ZDHHC14: variants seen among roughly 807,000 people sequenced by gnomAD.
The protein encoded by ZDHHC14 is zDHHC palmitoyltransferase 14.
A neutral mutation model predicts 47.7 loss-of-function variants in ZDHHC14; 16 were observed. The ratio of observed to expected loss-of-function variants is 0.34; its 90% CI spans 0.23 to 0.51. The LOEUF (loss-of-function observed/expected upper bound fraction) is 0.51. ZDHHC14 is among the 20% of genes least tolerant of loss of function. The pLI is 0.97. For missense variants in ZDHHC14, 515 were observed against 662.5 expected, an observed-to-expected ratio of 0.78 and a Z score of 2.44; for synonymous variants, 293 against 278.9, an observed-to-expected ratio of 1.05 and a Z score of -0.50.
At chr6:157,429,604 A>G (rs1257090393) in intron 1 of ZDHHC14, among the ~76,000 whole-genome samples, 2 of 150,456 alleles carry the variant, frequency 1.3e-5, no homozygotes, top group Non-Finnish European at 3.0e-5. Context: ...GGAGGGAGAG[A>G]AGGAGGGGAA....
rs370715926 is a variant in ZDHHC14, at chr6:157,640,942, G to T, written c.753-4795G>T. On this transcript the variant is annotated intron_variant, in intron 5 of 8. Coordinates refer to ENST00000359775, the MANE Select transcript of ZDHHC14 (RefSeq NM_024630.3). ...GTCCTTCCAGATGGTCTTAGAGTTT[G>T]AATACATCCGTGTGCATCATACACA... Among the ~76,000 whole-genome samples the T allele has an allele frequency of 1.2e-4, 19 of 152,296 alleles. No homozygotes were observed. In the South Asian group the frequency reaches 1.9e-3, roughly 15 times the overall value.
At chr6:157,614,683 G>C (rs1784890452) in intron 3 of ZDHHC14, among the ~76,000 whole-genome samples, 1 of 152,130 alleles carries the variant, frequency 6.6e-6, no homozygotes, top group African/African-American at 2.4e-5. Context: ...AGCAGGGCCG[G>C]GGTCACCAGT....
At chr6:157,593,183 G>T (rs1303764926) in intron 3 of ZDHHC14, 37 bp downstream of exon 3, 1 of 1,582,282 alleles carries the variant, frequency 6.3e-7, no homozygotes, top group Non-Finnish European at 8.6e-7. Flanking sequence ...CGGGAGCCCG[G>T]GTCCTCCGGG....
intron 1 of ZDHHC14, among the ~76,000 whole-genome samples, chr6:157,480,272 TG>T (rs1409361438): frequency 0.013 from 1,886 of 144,356 alleles, 19 homozygotes; most frequent in Non-Finnish European, 0.022. Flanking sequence ...TTTTTTTTTT[TG>T]CTTTTTTTTT....
rs147903574 is a variant in ZDHHC14, at chr6:157,382,067, C to G, written c.46C>G (p.Gln16Glu). 2,234 of 1,602,586 alleles carry G rather than the reference C, an allele frequency of 1.4e-3. 7 individuals are homozygous for G. Among genetic ancestry groups the G allele is most frequent in the Non-Finnish European group, 1.2e-3 (1,424 of 1,175,204 alleles). ...GGPMKDCEYS[Q>E]ISTHSSSPME... ...GCCCATGAAAGACTGCGAGTACAGC[C>G]AGATCAGCACCCACAGCTCCTCCCC... The change falls in exon 1 of 9, where the codon CAG (glutamine) becomes GAG (glutamate). Residue 16 changes from glutamine to glutamate, a missense_variant. Gln to Glu is a conservative substitution (Grantham distance 29). Around this residue, in one of 4 missense-constraint regions of ZDHHC14, gnomAD observed 59 missense variants for 57.7 expected, o/e 1.02. Transcript: ENST00000359775.
intron 2 of ZDHHC14, among the ~76,000 whole-genome samples, chr6:157,556,907 T>C (rs370296254): frequency 6.6e-6 from 1 of 151,322 alleles, no homozygotes; most frequent in Admixed American, 6.6e-5. Flanking sequence ...GGAGGAAGAG[T>C]TGCGGGCACT....
chr6:157,624,368 T>C (rs1440371956), intron 3 of ZDHHC14, among the ~76,000 whole-genome samples: 1 of 152,194 alleles, frequency 6.6e-6, no homozygotes, highest in Non-Finnish European at 1.5e-5. Flanking sequence ...ATCCTTGACC[T>C]GAAAAGAAAG....
intron 1 of ZDHHC14, among the ~76,000 whole-genome samples, chr6:157,511,024 A>G (rs1780456093): frequency 6.6e-6 from 1 of 152,228 alleles, no homozygotes; most frequent in African/African-American, 2.4e-5. Flanking sequence ...AACTGTCTCC[A>G]ACTCCACCCT....
chr6:157,524,260 G>A (rs759279473), intron 1 of ZDHHC14, among the ~76,000 whole-genome samples: 11 of 151,804 alleles, frequency 7.2e-5, no homozygotes, highest in Non-Finnish European at 1.2e-4. Flanking sequence ...TCTTGAGTAC[G>A]GTACCTGGGA....
rs1431381999 is a variant in ZDHHC14 at position 157,427,118 on chromosome 6, T to C, written c.245+44852T>C. 6.7e-6 allele frequency among the ~76,000 whole-genome samples: 1 copy of C among 149,896 alleles called. No individual in the cohort carries two copies. Among genetic ancestry groups the C allele is most frequent in the Admixed American group, 6.6e-5 (1 of 15,038 alleles). The stretch of plus-strand genomic sequence containing the variant: ...GAGAAGAGAGGGAAGGAAGAGGGCG[T>C]GCAGGGCGGAGGGACAAGGCTCAGG... On this transcript the variant is annotated intron_variant, in intron 1 of 8. Transcript: ENST00000359775. This position sits in a 1 kb window ranked among gnomAD's most constrained non-coding sequence, Gnocchi z 4.4.
chr6:157,397,292 C>T (rs571523443), intron 1 of ZDHHC14, among the ~76,000 whole-genome samples: 5 of 152,292 alleles, frequency 3.3e-5, no homozygotes, highest in East Asian at 1.9e-4. Context: ...TTGTTACAAA[C>T]GGAGTGACTT....
rs551690762 is a variant in ZDHHC14, at chr6:157,502,777, G to T, written c.246-39808G>T. Among the ~76,000 whole-genome samples, 4 of 152,108 alleles carry T rather than the reference G, an allele frequency of 2.6e-5. No homozygotes were observed. Among genetic ancestry groups the T allele is most frequent in the Non-Finnish European group, 4.4e-5 (3 of 68,020 alleles). Reference sequence around the variant, plus strand: ...ATGATCTTGGCTCACTGCAACCTCCGCCTCCCAGGTTCAAGCGATTCTCCT... The same window carrying T: ...ATGATCTTGGCTCACTGCAACCTCCTCCTCCCAGGTTCAAGCGATTCTCCT... On this transcript the variant is annotated intron_variant, in intron 1 of 8. Transcript: ENST00000359775. The surrounding 1 kb of genome is among the most constrained non-coding windows in gnomAD (Gnocchi z 4.0).
intron 3 of ZDHHC14, among the ~76,000 whole-genome samples, chr6:157,606,478 A>G (rs902022975): frequency 2.6e-5 from 4 of 152,222 alleles, no homozygotes; most frequent in Non-Finnish European, 5.9e-5. Flanking sequence ...AAAAAAAGAA[A>G]AAAGAAAAAT....
intron 5 of ZDHHC14, among the ~76,000 whole-genome samples, chr6:157,635,005 T>G (rs534653548): frequency 6.6e-6 from 1 of 151,018 alleles, no homozygotes; most frequent in Non-Finnish European, 1.5e-5. Flanking sequence ...TTTTTTTTTT[T>G]CCCCCTGAAA....
In ZDHHC14 at chr6:157,615,536, G is replaced by A. The variant is rs535766148; in HGVS notation, c.566-12813G>A. Among the ~76,000 whole-genome samples the A allele has an allele frequency of 3.3e-5, 5 of 152,304 alleles. No homozygotes were observed. In the East Asian group the frequency reaches 5.8e-4, roughly 18 times the overall value. Reference sequence around the variant, plus strand: ...AAAAGTTTTATTTAGCTATGGAATCGTAGTATTTGAGTTGGAAATAACCTT... The same window carrying A: ...AAAAGTTTTATTTAGCTATGGAATCATAGTATTTGAGTTGGAAATAACCTT... On this transcript the variant is annotated intron_variant, in intron 3 of 8. Coordinates refer to ENST00000359775, the MANE Select transcript of ZDHHC14 (RefSeq NM_024630.3).
At chr6:157,597,137 C>T (rs1582996235) in intron 3 of ZDHHC14, among the ~76,000 whole-genome samples, 1 of 152,090 alleles carries the variant, frequency 6.6e-6, no homozygotes, top group African/African-American at 2.4e-5. Flanking sequence ...TTTATCCAGG[C>T]GGGCTTTGAG....
intron 2 of ZDHHC14, among the ~76,000 whole-genome samples, chr6:157,554,562 A>G (rs1782378407): frequency 6.6e-6 from 1 of 152,240 alleles, no homozygotes; most frequent in Non-Finnish European, 1.5e-5. Flanking sequence ...CCACACTTCC[A>G]GAGCTCTGTA....
intron 1 of ZDHHC14, among the ~76,000 whole-genome samples, chr6:157,521,571 G>C (rs141682649): frequency 1.3e-5 from 2 of 152,238 alleles, no homozygotes; most frequent in Non-Finnish European, 2.9e-5. Flanking sequence ...CATGGTGGGA[G>C]AGGCCAGGCA....
intron 1 of ZDHHC14, among the ~76,000 whole-genome samples, chr6:157,531,772 C>T (rs1237371264): frequency 3.9e-5 from 6 of 152,230 alleles, no homozygotes; most frequent in Non-Finnish European, 8.8e-5. Context: ...CCACGGTACT[C>T]GTAGACTTGT....
Sources: allele counts gnomAD v4.1 joint callset (sites outside exome capture counted in the v4.1 genomes callset), GRCh38; gene constraint gnomAD v4.1.1; regional missense constraint gnomAD v4.1.1; non-coding constraint Gnocchi (gnomAD v3.1); transcripts MANE v1.5; gene names NCBI Gene and HGNC (gene_info 2026-07-23, HGNC 2026-07-21).